The following SAMD12 variants were observed in gnomAD, a reference collection of about 807,000 sequenced individuals.
SAMD12 encodes sterile alpha motif domain containing 12, also known as sterile alpha motif domain-containing protein 12.
SAMD12 carries 9 observed loss-of-function variants against 15.0 expected under a neutral mutation model. The observed-to-expected ratio is 0.60, with a 90% confidence interval of 0.36 to 1.05. SAMD12 has a LOEUF of 1.05. Among genes scored for constraint, SAMD12 ranks in the 50% least tolerant of loss-of-function variants. SAMD12 has a pLI of 0.01. For missense variants in SAMD12, 230 were observed against 234.2 expected (o/e 0.98, Z 0.12); for synonymous variants, 86 against 90.1 (o/e 0.96, Z 0.25).
intron 1 of SAMD12, among the ~76,000 whole-genome samples, chr8:118,604,431 G>A (rs560432404): frequency 2.6e-5 from 4 of 152,242 alleles, no homozygotes; most frequent in South Asian, 2.1e-4. Context: ...TGTAAGAGCC[G>A]CAGTGTTTCT....
intron 3 of SAMD12, among the ~76,000 whole-genome samples, chr8:118,398,356 G>T (rs1294294318): frequency 6.6e-6 from 1 of 152,108 alleles, no homozygotes; most frequent in Non-Finnish European, 1.5e-5. Context: ...CTGAGATCGT[G>T]CCACTGCACT....
chr8:118,438,287 TG>T (rs1212627480), intron 3 of SAMD12, among the ~76,000 whole-genome samples: 2 of 152,212 alleles, frequency 1.3e-5, no homozygotes, highest in Non-Finnish European at 2.9e-5. Flanking sequence ...CTCTCTTGTT[TG>T]TTAACTCAAC....
At chr8:118,135,370 C>T in the SAMD12 span, among the ~76,000 whole-genome samples, 2 of 151,804 alleles carry the variant, frequency 1.3e-5, no homozygotes, top group East Asian at 1.9e-4. Flanking sequence ...TTAGTAGAGA[C>T]GGAGTTTCAC....
chr8:118,236,244 G>A (rs1812426761), intron 4 of SAMD12, among the ~76,000 whole-genome samples: 1 of 152,170 alleles, frequency 6.6e-6, no homozygotes, highest in Non-Finnish European at 1.5e-5. Context: ...TCATTTGCCA[G>A]CGAGACCTAG....
At chr8:118,255,235 A>T (rs952281328) in intron 4 of SAMD12, among the ~76,000 whole-genome samples, 1 of 152,108 alleles carries the variant, frequency 6.6e-6, no homozygotes, top group Non-Finnish European at 1.5e-5. Context: ...TTCTAAAAAA[A>T]CCATAAGGTA....
chr8:118,325,942 G>T (rs939894816), intron 4 of SAMD12, among the ~76,000 whole-genome samples: 1 of 152,124 alleles, frequency 6.6e-6, no homozygotes, highest in African/African-American at 2.4e-5. Context: ...CCAGCAGGGC[G>T]GCTTACTTTG....
the SAMD12 span, among the ~76,000 whole-genome samples, chr8:118,167,200 C>T: frequency 6.6e-6 from 1 of 152,080 alleles, no homozygotes; most frequent in African/African-American, 2.4e-5. Flanking sequence ...CCGCGCCCCC[C>T]ACACGGACAG....
chr8:118,168,046 C>T, the SAMD12 span, among the ~76,000 whole-genome samples: 1 of 152,182 alleles, frequency 6.6e-6, no homozygotes, highest in Non-Finnish European at 1.5e-5. Context: ...CCATGCTATT[C>T]TCGTGATAGT....
At chr8:118,409,714 G>C (rs753855726) in intron 3 of SAMD12, among the ~76,000 whole-genome samples, 1 of 130,392 alleles carries the variant, frequency 7.7e-6, no homozygotes, top group Non-Finnish European at 1.7e-5. Context: ...CATGTACCTG[G>C]CTAAATGGCT....
intron 3 of SAMD12, among the ~76,000 whole-genome samples, chr8:118,396,401 A>G (rs554800766): frequency 2.0e-5 from 3 of 152,278 alleles, no homozygotes; most frequent in African/African-American, 7.2e-5. Flanking sequence ...CCATTGTTAC[A>G]CCTACTCGAT....
At chr8:118,500,634 C>T (rs549240915) in intron 2 of SAMD12, among the ~76,000 whole-genome samples, 19 of 151,948 alleles carry the variant, frequency 1.3e-4, no homozygotes, top group African/African-American at 2.9e-4. Context: ...ATTGAAACAC[C>T]GTCTCTACTA....
chr8:118,497,933 C>T (rs760223797), intron 2 of SAMD12, among the ~76,000 whole-genome samples: 1 of 151,618 alleles, frequency 6.6e-6, no homozygotes, highest in Non-Finnish European at 1.5e-5. Flanking sequence ...ATCAATTAAA[C>T]TTAAAAACCA....
At chr8:118,562,410 A>C (rs1265308559) in intron 2 of SAMD12, among the ~76,000 whole-genome samples, 3 of 152,082 alleles carry the variant, frequency 2.0e-5, no homozygotes, top group Admixed American at 2.0e-4. Flanking sequence ...AGAAATAAAG[A>C]AAAGTAAAAG....
intron 4 of SAMD12, among the ~76,000 whole-genome samples, chr8:118,261,697 T>G (rs1307397931): frequency 6.6e-6 from 1 of 151,800 alleles, no homozygotes; most frequent in Non-Finnish European, 1.5e-5. Flanking sequence ...TAATGATAGC[T>G]AGTGACCATT....
intron 4 of SAMD12, among the ~76,000 whole-genome samples, chr8:118,252,963 C>T (rs1361241443): frequency 2.0e-5 from 3 of 152,132 alleles, no homozygotes; most frequent in Non-Finnish European, 4.4e-5. Flanking sequence ...GAGTGTGGTA[C>T]CACTGCTGAG....
At chr8:118,364,133 C>T (rs1421415611) in intron 4 of SAMD12, among the ~76,000 whole-genome samples, 2 of 140,514 alleles carry the variant, frequency 1.4e-5, no homozygotes, top group Non-Finnish European at 3.2e-5. Flanking sequence ...TCTCTTCTTC[C>T]TCTCTTCTTT....
chr8:118,548,338 A>C (rs1826190237), intron 2 of SAMD12, among the ~76,000 whole-genome samples: 2 of 151,910 alleles, frequency 1.3e-5, no homozygotes, highest in Non-Finnish European at 2.9e-5. Context: ...AAATTTCCTA[A>C]TAACTTACAA....
intron 4 of SAMD12, among the ~76,000 whole-genome samples, chr8:118,274,073 T>C (rs1225037439): frequency 1.3e-5 from 2 of 152,296 alleles, no homozygotes; most frequent in Middle Eastern, 3.4e-3. Context: ...TTTACTCCTG[T>C]AGTATGAGGC....
At chr8:118,619,700 G>T (rs901113315) in intron 1 of SAMD12, among the ~76,000 whole-genome samples, 1 of 152,166 alleles carries the variant, frequency 6.6e-6, no homozygotes, top group Non-Finnish European at 1.5e-5. Context: ...CCCCAAGGGG[G>T]TTAGAGTCTA....
Sources: gnomAD v4.1 joint callset for allele counts (sites outside exome capture counted in the v4.1 genomes callset) on GRCh38, gnomAD v4.1.1 for gene constraint, MANE v1.5 for transcripts, NCBI Gene and HGNC (gene_info 2026-07-23, HGNC 2026-07-21) for gene names.